Variants in JAKMIP2 observed in about 807,000 individuals in gnomAD.
JAKMIP2 encodes janus kinase and microtubule-interacting protein 2.
In JAKMIP2, 25 loss-of-function variants were observed where a neutral mutation model predicts 115.0. That is an observed-to-expected ratio of 0.22 (90% CI 0.16 to 0.30). JAKMIP2 has a LOEUF of 0.30. Ranked by LOEUF, JAKMIP2 falls within the 10% of genes least tolerant of loss-of-function variation. The probability of loss-of-function intolerance (pLI) is 1.00; values close to 1 mark genes in which losing one functional copy is unlikely to be tolerated. For synonymous variants in JAKMIP2, 334 were observed against 343.6 expected (o/e 0.97, Z 0.31); for missense variants, 642 against 957.6 (o/e 0.67, Z 4.35).
intron 1 of JAKMIP2, among the ~76,000 whole-genome samples, chr5:147,705,275 C>T (rs1244833288): frequency 6.6e-6 from 1 of 151,990 alleles, no homozygotes; most frequent in Non-Finnish European, 1.5e-5. Context: ...TCCAGGAACC[C>T]CTTCACTCAG....
intron 10 of JAKMIP2, among the ~76,000 whole-genome samples, chr5:147,638,997 T>C (rs956463247): frequency 2.0e-5 from 3 of 152,310 alleles, no homozygotes; most frequent in Admixed American, 2.0e-4. Flanking sequence ...ATTAGTATAG[T>C]ACATGTCTAT....
chr5:147,607,177 T>C (rs6580488), intron 20 of JAKMIP2, among the ~76,000 whole-genome samples: 145,293 of 152,172 alleles, frequency 0.95, 69,717 homozygotes, highest in East Asian at 1. Flanking sequence ...CTTTCTCTTG[T>C]CTGATTATAC....
chr5:147,716,692 G>C (rs1350390653), intron 1 of JAKMIP2, among the ~76,000 whole-genome samples: 2 of 149,060 alleles, frequency 1.3e-5, no homozygotes, highest in Non-Finnish European at 3.0e-5. Context: ...TGATGGGGTT[G>C]TTTGTTTTTT....
At chr5:147,623,224 CTTTT>C (rs199676287) in intron 17 of JAKMIP2, among the ~76,000 whole-genome samples, 1 of 138,736 alleles carries the variant, frequency 7.2e-6, no homozygotes, top group African/African-American at 2.7e-5. Context: ...TTGTTCTACT[CTTTT>C]TTTTTTTTTT....
chr5:147,588,772 A>G lies in JAKMIP2; in HGVS notation c.*2935T>C, dbSNP rs946211324. On this transcript the variant is annotated 3_prime_UTR_variant, in exon 22 of 22. Coordinates refer to ENST00000616793, the MANE Select transcript of JAKMIP2 (RefSeq NM_001270941.2). ...GACAATCATCCTAGCTGTTGTTCTC[A>G]TATGACTTATAGCAGATAAGCAGAT... 1.3e-5 allele frequency: 2 copies of G among 152,168 alleles called. No homozygotes were observed. Among genetic ancestry groups the G allele is most frequent in the Admixed American group, 1.3e-4 (2 of 15,276 alleles). The allele number at this position is 152,168 out of a possible 1,614,324, so 9.4% of individuals were successfully genotyped here. A position where few individuals can be genotyped will look rare whatever the true frequency, so the allele number is the denominator to read the frequency against.
At chr5:147,682,806 A>G (rs544525258) in intron 1 of JAKMIP2, among the ~76,000 whole-genome samples, 5 of 152,328 alleles carry the variant, frequency 3.3e-5, no homozygotes, top group African/African-American at 9.6e-5. Flanking sequence ...AAACAATAAA[A>G]TTAAATGTAT....
rs1757835254 is a variant in JAKMIP2 at position 147,640,585 on chromosome 5, A to T, written c.1401+119T>A. ...TGCAGCCTCAAAATTGTTTACTATT[A>T]TGAGATCACTTTGTGCTGTTTATAT... On this transcript the variant is annotated intron_variant, in intron 9 of 21. Transcript: ENST00000616793. 2.6e-5 allele frequency: 27 copies of T among 1,018,952 alleles called. No homozygotes were observed. The South Asian group carries it at 4.5e-4, about 17-fold the overall frequency. The allele number at this position is 1,018,952 out of a possible 1,614,324, so 63.1% of individuals were successfully genotyped here.
rs575947613 is a variant in JAKMIP2 at position 147,702,463 on chromosome 5, A to AAGGAAGGG, written c.-148-30510_-148-30509insCCCTTCCT. On this transcript the variant is annotated intron_variant, in intron 1 of 21. Coordinates refer to ENST00000616793, the MANE Select transcript of JAKMIP2 (RefSeq NM_001270941.2). ...GTAGGAAGGAAGGAAGGAAGGAAGG[A>AAGGAAGGG]AGGGAGGGAGGGAAGGAAGAGAAAA... Among the ~76,000 whole-genome samples, 305 of 121,154 alleles carry AAGGAAGGG rather than the reference A, an allele frequency of 2.5e-3. 3 individuals carry two copies. Among genetic ancestry groups the AAGGAAGGG allele is most frequent in the African/African-American group, 9.7e-3 (270 of 27,964 alleles). 79.5% of individuals were successfully genotyped at this position (121,154 alleles called of 152,430 possible).
intron 1 of JAKMIP2, among the ~76,000 whole-genome samples, chr5:147,702,610 A>C (rs1299668706): frequency 3.0e-5 from 1 of 33,312 alleles, no homozygotes; most frequent in Non-Finnish European, 7.3e-5. Context: ...GAAGGAAAGA[A>C]AGAAAGAAAG....
chr5:147,699,112 C>T (rs1173775164), intron 1 of JAKMIP2, among the ~76,000 whole-genome samples: 1 of 152,218 alleles, frequency 6.6e-6, no homozygotes, highest in Non-Finnish European at 1.5e-5. Flanking sequence ...AGAAAATATA[C>T]ACCCATCTAT....
intron 2 of JAKMIP2, among the ~76,000 whole-genome samples, chr5:147,663,313 T>C (rs1193131827): frequency 1.3e-5 from 2 of 152,158 alleles, no homozygotes; most frequent in African/African-American, 4.8e-5. Context: ...AGACCCACCA[T>C]CAGTCTAGGT....
chr5:147,700,298 T>G (rs933021323), intron 1 of JAKMIP2, among the ~76,000 whole-genome samples: 5 of 151,646 alleles, frequency 3.3e-5, no homozygotes, highest in African/African-American at 1.2e-4. Flanking sequence ...AATCAAACCT[T>G]TAGGATGGAG....
chr5:147,728,308 C>T (rs1421678222), intron 1 of JAKMIP2, among the ~76,000 whole-genome samples: 1 of 152,070 alleles, frequency 6.6e-6, no homozygotes. Context: ...GGGCTAATCA[C>T]AAAATGAGTT....
chr5:147,631,251 T>C (rs533399758), intron 14 of JAKMIP2, among the ~76,000 whole-genome samples, 162 bp downstream of exon 14: 13 of 152,354 alleles, frequency 8.5e-5, no homozygotes, highest in Admixed American at 1.3e-4. Context: ...AAACATTCTG[T>C]TAATTTTCTA....
chr5:147,644,261 C>A, intron 6 of JAKMIP2, 63 bp from the exon 7 acceptor site: 1 of 1,419,204 alleles, frequency 7.0e-7, no homozygotes, highest in Admixed American at 2.2e-5. Flanking sequence ...TGGTTGTTAA[C>A]ATAAAATATC....
intron 21 of JAKMIP2, chr5:147,595,445 GCAA>G (rs1755322103): frequency 4.4e-6 from 2 of 456,820 alleles, no homozygotes; most frequent in Middle Eastern, 3.5e-4. Context: ...TCCAGGGGAT[GCAA>G]CAACAAGGCG....
intron 1 of JAKMIP2, among the ~76,000 whole-genome samples, chr5:147,772,318 T>G (rs1580906563): frequency 6.6e-6 from 1 of 152,112 alleles, no homozygotes; most frequent in Non-Finnish European, 1.5e-5. Flanking sequence ...TACAGATAAT[T>G]CATTTTTAGC....
intron 20 of JAKMIP2, 25 bp downstream of exon 20, chr5:147,612,281 G>A (rs1374331670): frequency 2.2e-6 from 3 of 1,357,606 alleles, no homozygotes; most frequent in Non-Finnish European, 3.1e-6. Flanking sequence ...CAAATAATAA[G>A]ATAGTTATTG....
At chr5:147,764,920 A>AAGAAAGAAAG (rs1554086034) in intron 1 of JAKMIP2, among the ~76,000 whole-genome samples, 3 of 39,462 alleles carry the variant, frequency 7.6e-5, no homozygotes, top group African/African-American at 1.4e-4. Context: ...GAAAGAAAGA[A>AAGAAAGAAAG]AGAGAGAGAG....
Sources: gnomAD v4.1 joint callset for allele counts (sites outside exome capture counted in the v4.1 genomes callset) on GRCh38, gnomAD v4.1.1 for gene constraint, MANE v1.5 for transcripts, NCBI Gene and HGNC (gene_info 2026-07-23, HGNC 2026-07-21) for gene names.